Variants in ROBO2 observed in about 807,000 individuals in gnomAD.
ROBO2 encodes the protein roundabout homolog 2.
A neutral mutation model predicts 160.8 loss-of-function variants in ROBO2; 53 were observed. The ratio of observed to expected loss-of-function variants is 0.33; its 90% CI spans 0.26 to 0.41. ROBO2 has a LOEUF of 0.41. ROBO2 is among the 10% of genes least tolerant of loss of function. The pLI is 1.00. For missense variants in ROBO2, 1,577 were observed against 1,722.4 expected (o/e 0.92, Z 1.49); for synonymous variants, 664 against 611.7 (o/e 1.09, Z -1.26).
At chr3:76,725,518 G>A (rs9822135) in intron 2 of ROBO2, among the ~76,000 whole-genome samples, 1,812 of 152,282 alleles carry the variant, frequency 0.012, 34 homozygotes, top group African/African-American at 0.04. Context: ...TTGCTATAAT[G>A]AGACATATGC....
At chr3:76,496,344 A>G (rs551131391) in intron 2 of ROBO2, among the ~76,000 whole-genome samples, 16 of 152,354 alleles carry the variant, frequency 1.1e-4, no homozygotes, top group African/African-American at 3.8e-4. Context: ...AGTTAACAAA[A>G]TTTCCATAAA....
intron 2 of ROBO2, among the ~76,000 whole-genome samples, chr3:76,328,000 A>G (rs1451464091): frequency 3.3e-5 from 5 of 152,130 alleles, no homozygotes; most frequent in African/African-American, 1.2e-4. Flanking sequence ...GATGGGTTAA[A>G]TGTGTGTTTC....
At chr3:77,595,618 G>A (rs2094284710) in intron 18 of ROBO2, among the ~76,000 whole-genome samples, 1 of 152,048 alleles carries the variant, frequency 6.6e-6, no homozygotes, top group Non-Finnish European at 1.5e-5. Context: ...CCACAACTTT[G>A]GATATTCAAT....
intron 3 of ROBO2, 59 bp from the exon 4 acceptor site, chr3:77,481,040 T>C: frequency 7.0e-7 from 1 of 1,419,974 alleles, no homozygotes; most frequent in Non-Finnish European, 1.0e-6. Context: ...TAATGACCTT[T>C]ATTTTCTATT....
chr3:76,128,062 A>G (rs1273272873), intron 2 of ROBO2, among the ~76,000 whole-genome samples: 1 of 151,532 alleles, frequency 6.6e-6, no homozygotes, highest in Non-Finnish European at 1.5e-5. Flanking sequence ...TGCCCAGCTA[A>G]TTTTTGCATT....
intron 1 of ROBO2, among the ~76,000 whole-genome samples, chr3:77,096,472 G>T (rs1004158888): frequency 1.3e-5 from 2 of 148,608 alleles, no homozygotes; most frequent in South Asian, 2.1e-4. Context: ...TTTTGAGATG[G>T]AGTTTTACTC....
chr3:76,625,581 G>A (rs1413845161), intron 2 of ROBO2, among the ~76,000 whole-genome samples: 3 of 152,258 alleles, frequency 2.0e-5, no homozygotes, highest in African/African-American at 7.2e-5. Flanking sequence ...TTTAAGTAGG[G>A]TGGTTAGAGA....
At chr3:75,920,226 G>C (rs1345968407) in intron 1 of ROBO2, among the ~76,000 whole-genome samples, 2 of 152,040 alleles carry the variant, frequency 1.3e-5, no homozygotes, top group Non-Finnish European at 2.9e-5. Context: ...CTGGTATGTT[G>C]TGTCTTTGTT....
At chr3:76,558,853 G>A (rs901849095) in intron 2 of ROBO2, among the ~76,000 whole-genome samples, 2 of 152,126 alleles carry the variant, frequency 1.3e-5, no homozygotes, top group East Asian at 1.9e-4. Context: ...CTTTTCTGCC[G>A]ATAATGTGAA....
chr3:77,640,817 A>C (rs2095340970), intron 24 of ROBO2, among the ~76,000 whole-genome samples: 1 of 152,212 alleles, frequency 6.6e-6, no homozygotes, highest in African/African-American at 2.4e-5. Context: ...AGTTTATTTC[A>C]GTGTGCATGT....
At chr3:76,333,473 A>G (rs934995472) in intron 2 of ROBO2, among the ~76,000 whole-genome samples, 4 of 152,174 alleles carry the variant, frequency 2.6e-5, no homozygotes, top group African/African-American at 9.7e-5. Flanking sequence ...ATTCCAGATA[A>G]TCCTTGATAA....
chr3:76,153,934 T>C (rs1417381454), intron 2 of ROBO2, among the ~76,000 whole-genome samples: 1 of 152,104 alleles, frequency 6.6e-6, no homozygotes, highest in Non-Finnish European at 1.5e-5. Flanking sequence ...TATGGATATA[T>C]TGATAGTACT....
At chr3:75,934,844 C>CT (rs1947701878) in intron 1 of ROBO2, among the ~76,000 whole-genome samples, 1 of 151,818 alleles carries the variant, frequency 6.6e-6, no homozygotes, top group African/African-American at 2.4e-5. Context: ...AGTAAAAATT[C>CT]TGCCTTTTAA....
intron 2 of ROBO2, among the ~76,000 whole-genome samples, chr3:76,736,033 C>G (rs965121071): frequency 6.6e-6 from 1 of 151,746 alleles, no homozygotes; most frequent in Non-Finnish European, 1.5e-5. Context: ...CCTGTAATCC[C>G]AGCACTTTGG....
intron 2 of ROBO2, among the ~76,000 whole-genome samples, chr3:77,339,353 G>A (rs1048388543): frequency 1.3e-5 from 2 of 152,044 alleles, no homozygotes; most frequent in Non-Finnish European, 2.9e-5. Context: ...AACTGGTCAG[G>A]TGATAAAGAA....
rs964193727 is a variant in ROBO2, at chr3:77,418,380, T to C, written c.389-59034T>C. On this transcript the variant is annotated intron_variant, in intron 2 of 25. Coordinates refer to ENST00000461745, the Ensembl canonical transcript of ROBO2. ...CAAATCGTGTACATTTTTATTGCGG[T>C]TATAAATGGTAATCTTTTAAATTGT... Among the ~76,000 whole-genome samples the C allele has an allele frequency of 3.9e-5, 6 of 152,154 alleles. No homozygotes were observed. The East Asian group carries it at 1.2e-3, about 29-fold the overall frequency.
intron 2 of ROBO2, among the ~76,000 whole-genome samples, chr3:77,137,112 G>A (rs1330163839): frequency 2.0e-5 from 3 of 152,058 alleles, no homozygotes; most frequent in Admixed American, 6.5e-5. Flanking sequence ...ATGAACTGGA[G>A]AGTTTCACTT....
intron 2 of ROBO2, among the ~76,000 whole-genome samples, chr3:76,218,664 C>T (rs9756084): frequency 3.9e-5 from 6 of 152,020 alleles, no homozygotes; most frequent in Admixed American, 3.3e-4. Context: ...AAATAAAAGA[C>T]GATACAAACA....
intron 2 of ROBO2, among the ~76,000 whole-genome samples, chr3:76,065,749 A>ATATATATATG (rs879819524): frequency 1.1e-4 from 17 of 149,034 alleles, no homozygotes; most frequent in African/African-American, 2.9e-4. Flanking sequence ...ATATATATAT[A>ATATATATATG]TATACACACA....
Sources: gnomAD v4.1 joint callset for allele counts (sites outside exome capture counted in the v4.1 genomes callset) on GRCh38, gnomAD v4.1.1 for gene constraint, MANE v1.5 for transcripts, NCBI Gene and HGNC (gene_info 2026-07-23, HGNC 2026-07-21) for gene names.